The following PIBF1 variants were observed in gnomAD, a reference collection of about 807,000 sequenced individuals.
The protein encoded by PIBF1 is progesterone immunomodulatory binding factor 1.
PIBF1 carries 90 observed loss-of-function variants against 112.5 expected under a neutral mutation model. The ratio of observed to expected loss-of-function variants is 0.80; its 90% CI spans 0.67 to 0.95. The LOEUF (loss-of-function observed/expected upper bound fraction) is 0.95. Ranked by LOEUF, PIBF1 falls within the 40% of genes least tolerant of loss-of-function variation. The pLI is 0.00. For missense variants in PIBF1, 915 were observed against 852.3 expected (o/e 1.07, Z -0.92); for synonymous variants, 301 against 288.6 (o/e 1.04, Z -0.44).
rs373276893 is a variant in PIBF1 at position 72,999,115 on chromosome 13, A to G, written c.2223+120A>G. ...TAGATTCCACAAATATGTTTCATGA[A>G]AAGACCTTGAAGGATTTGCATTAAT... On this transcript the variant is annotated intron_variant, in intron 17 of 17. Transcript: ENST00000326291. 6.8e-4 allele frequency: 427 copies of G among 629,318 alleles called. 9 individuals carry two copies. In the South Asian group the frequency reaches 9.2e-3, roughly 13 times the overall value. The allele number at this position is 629,318 out of a possible 1,614,324, so 39.0% of individuals were successfully genotyped here.
At chr13:72,970,976 A>G (rs553920367) in intron 15 of PIBF1, among the ~76,000 whole-genome samples, 1 of 152,336 alleles carries the variant, frequency 6.6e-6, no homozygotes, top group African/African-American at 2.4e-5. Context: ...TCTGTAAGCC[A>G]GTTTATCCCC....
chr13:72,877,158 A>T (rs1335138510), intron 10 of PIBF1, among the ~76,000 whole-genome samples: 1 of 151,986 alleles, frequency 6.6e-6, no homozygotes, highest in Non-Finnish European at 1.5e-5. Context: ...TTTCTTCCTC[A>T]GCTTGTTGAT....
chr13:72,895,242 TTTTTAAAATTCATAAA>T (rs200915683), intron 11 of PIBF1, among the ~76,000 whole-genome samples: 2,141 of 151,572 alleles, frequency 0.014, 65 homozygotes, highest in African/African-American at 0.049. Context: ...CCTGAATTTG[TTTTTAAAATTCATAAA>T]TTTTAAAATT....
At chr13:72,855,540 T>G (rs2038383402) in intron 10 of PIBF1, among the ~76,000 whole-genome samples, 1 of 151,890 alleles carries the variant, frequency 6.6e-6, no homozygotes, top group South Asian at 2.1e-4. Flanking sequence ...TCCCAGCTAC[T>G]CAGAAGGCTG....
intron 5 of PIBF1, among the ~76,000 whole-genome samples, chr13:72,801,332 GAC>G (rs1025902895): frequency 6.6e-6 from 1 of 151,744 alleles, no homozygotes; most frequent in African/African-American, 2.4e-5. Context: ...GGAGGTTTGT[GAC>G]ACTCGCAGAT....
At chr13:72,953,257 T>G (rs1591145) in intron 14 of PIBF1, among the ~76,000 whole-genome samples, 40,550 of 152,136 alleles carry the variant, frequency 0.27, 6,712 homozygotes, top group East Asian at 0.48. Flanking sequence ...AGCCCAGCAC[T>G]GCACCTGTGC....
chr13:72,835,479 G>A, intron 9 of PIBF1, 111 bp downstream of exon 9: 1 of 774,720 alleles, frequency 1.3e-6, no homozygotes, highest in Non-Finnish European at 1.9e-6. Flanking sequence ...ATACATTAGA[G>A]AAAACTTGTC....
intron 14 of PIBF1, among the ~76,000 whole-genome samples, chr13:72,941,219 G>A (rs2041999428): frequency 1.3e-5 from 2 of 152,108 alleles, no homozygotes; most frequent in African/African-American, 4.8e-5. Flanking sequence ...TTATTAGTTG[G>A]TCCAGTATAA....
At chr13:72,844,924 G>T (rs2037800091) in intron 9 of PIBF1, among the ~76,000 whole-genome samples, 1 of 149,624 alleles carries the variant, frequency 6.7e-6, no homozygotes, top group South Asian at 2.2e-4. Flanking sequence ...TCCCAGACAA[G>T]CATTTATAAT....
intron 16 of PIBF1, among the ~76,000 whole-genome samples, chr13:72,994,622 G>T (rs886246446): frequency 6.6e-6 from 1 of 152,130 alleles, no homozygotes; most frequent in African/African-American, 2.4e-5. Flanking sequence ...TATAGAAGAG[G>T]AAAGTAGAAT....
intron 13 of PIBF1, among the ~76,000 whole-genome samples, chr13:72,923,275 G>A (rs1193587986): frequency 1.3e-5 from 2 of 152,184 alleles, no homozygotes; most frequent in African/African-American, 4.8e-5. Flanking sequence ...TTAGGAAATT[G>A]TATGTAGTAA....
At chr13:72,942,404 G>C (rs1026749168) in intron 14 of PIBF1, among the ~76,000 whole-genome samples, 3 of 151,878 alleles carry the variant, frequency 2.0e-5, no homozygotes, top group Non-Finnish European at 4.4e-5. Flanking sequence ...TTAGACTTTA[G>C]GCAGTGATTT....
chr13:72,809,132 C>CTTT (rs35219701), intron 5 of PIBF1, among the ~76,000 whole-genome samples: 3,701 of 74,602 alleles, frequency 0.05, 101 homozygotes, highest in Non-Finnish European at 0.07. Context: ...GTATATGTCC[C>CTTT]TTTTTTTTTT....
intron 14 of PIBF1, among the ~76,000 whole-genome samples, chr13:72,939,624 T>C (rs952116279): frequency 1.3e-5 from 2 of 152,216 alleles, no homozygotes; most frequent in African/African-American, 4.8e-5. Flanking sequence ...TGTTTATTCA[T>C]TTATCCTTTG....
chr13:72,920,085 T>A (rs555562066), intron 13 of PIBF1, among the ~76,000 whole-genome samples: 1 of 152,354 alleles, frequency 6.6e-6, no homozygotes, highest in Admixed American at 6.5e-5. Context: ...TGCACATTAC[T>A]ATTTTTTTAA....
At chr13:72,827,177 C>A (rs1362102256) in intron 7 of PIBF1, 59 bp downstream of exon 7, 5 of 741,976 alleles carry the variant, frequency 6.7e-6, no homozygotes, top group Non-Finnish European at 1.0e-5. Flanking sequence ...AAAAAAATAG[C>A]CCAGAGTAGA....
At chr13:72,872,113 T>TC (rs1379205757) in intron 10 of PIBF1, among the ~76,000 whole-genome samples, 1 of 152,196 alleles carries the variant, frequency 6.6e-6, no homozygotes, top group Non-Finnish European at 1.5e-5. Flanking sequence ...TGTCTCAGTT[T>TC]CCTCATGTAT....
chr13:72,888,725 A>G lies in PIBF1; in HGVS notation c.1323-5059A>G, dbSNP rs192074576. 3.0e-3 allele frequency among the ~76,000 whole-genome samples: 463 copies of G among 152,232 alleles called. 1 individual carries two copies. Among genetic ancestry groups the G allele is most frequent in the Non-Finnish European group, 5.0e-3 (339 of 68,010 alleles). Reference sequence around the variant, plus strand: ...AAAAACGGATCCCAAGACAGTCTACATGAAAAAAGGAAGTTACAGAGAAGA... The same window carrying G: ...AAAAACGGATCCCAAGACAGTCTACGTGAAAAAAGGAAGTTACAGAGAAGA... On this transcript the variant is annotated intron_variant, in intron 10 of 17. Coordinates refer to ENST00000326291, the MANE Select transcript of PIBF1 (RefSeq NM_006346.4).
chr13:72,810,465 C>T (rs966005161), intron 5 of PIBF1, among the ~76,000 whole-genome samples: 1 of 152,136 alleles, frequency 6.6e-6, no homozygotes, highest in Non-Finnish European at 1.5e-5. Context: ...AACATAGTTA[C>T]ATTCTTTAAA....
Sources: gnomAD v4.1 joint callset for allele counts (sites outside exome capture counted in the v4.1 genomes callset) on GRCh38, gnomAD v4.1.1 for gene constraint, MANE v1.5 for transcripts, NCBI Gene and HGNC (gene_info 2026-07-23, HGNC 2026-07-21) for gene names.